The following HIVEP1 variants were observed in gnomAD, a reference collection of about 807,000 sequenced individuals.
HIVEP1 encodes zinc finger protein 40.
A neutral mutation model predicts 180.0 loss-of-function variants in HIVEP1; 36 were observed. The ratio of observed to expected loss-of-function variants is 0.20; its 90% CI spans 0.15 to 0.26. HIVEP1 has a LOEUF of 0.26. Among genes scored for constraint, HIVEP1 ranks in the 10% least tolerant of loss-of-function variants. The pLI is 1.00. For synonymous variants in HIVEP1, 1,239 were observed against 1,239.0 expected (o/e 1.00, Z 0.00); for missense variants, 3,143 against 3,268.7 (o/e 0.96, Z 0.94).
chr6:12,016,530 G>T (rs987765255), intron 2 of HIVEP1, among the ~76,000 whole-genome samples: 2 of 152,082 alleles, frequency 1.3e-5, no homozygotes, highest in Admixed American at 6.5e-5. Flanking sequence ...AATTTGAAAT[G>T]TTTTTTGGTA....
chr6:12,123,760 T>G lies in HIVEP1; in HGVS notation c.3965T>G (p.Leu1322Ter). 6.2e-7 allele frequency: 1 copy of G among 1,614,190 alleles called. No homozygotes were observed. The highest frequency in any genetic ancestry group is 8.5e-7 in the Non-Finnish European group (1 of 1,180,012). Residue 1322 changes from leucine to a stop codon, truncating the protein, a stop_gained, in exon 4 of 9, where the codon TTA becomes TGA. Coordinates refer to ENST00000379388, the MANE Select transcript of HIVEP1 (RefSeq NM_002114.4). LOFTEE classifies it high-confidence loss of function. ...CACACTTCAAGTTTCTCAGCCTCTT[T>G]AGACATAGAGGACGTTTCTAAAACG... is the stretch of plus-strand genomic sequence containing the variant. ...LSHTSSFSAS[L>*]DIEDVSKTEA...
At chr6:12,204,360 T>TCCCTTCCCCTGTCTTCCTCTTTTACCTC in the HIVEP1 span, among the ~76,000 whole-genome samples, 2 of 150,528 alleles carry the variant, frequency 1.3e-5, no homozygotes, top group Non-Finnish European at 3.0e-5. Context: ...TCAAGCTTCC[T>TCCCTTCCCCTGTCTTCCTCTTTTACCTC]CCCTTCCCCG....
chr6:12,184,897 A>C, the HIVEP1 span, among the ~76,000 whole-genome samples: 7 of 152,358 alleles, frequency 4.6e-5, 1 homozygote, highest in South Asian at 1.0e-3. Context: ...AAGCAGTGGA[A>C]GTCTCTAAAA....
chr6:12,064,865 C>T (rs1324676814), intron 2 of HIVEP1, among the ~76,000 whole-genome samples: 1 of 152,196 alleles, frequency 6.6e-6, no homozygotes, highest in Non-Finnish European at 1.5e-5. Context: ...TCCCAGTGGG[C>T]CTTCATGAAG....
At chr6:12,211,268 C>T in the HIVEP1 span, among the ~76,000 whole-genome samples, 2 of 95,392 alleles carry the variant, frequency 2.1e-5, 1 homozygote, top group Non-Finnish European at 4.1e-5. Context: ...GGCGTGGTGG[C>T]AGGTGCCTGT....
At chr6:12,159,458 G>C (rs1707525766) in intron 7 of HIVEP1, among the ~76,000 whole-genome samples, 1 of 151,756 alleles carries the variant, frequency 6.6e-6, no homozygotes, top group African/African-American at 2.4e-5. Flanking sequence ...AGGATGACTC[G>C]AATTTTACAA....
At chr6:12,112,937 G>A (rs558917917) in intron 3 of HIVEP1, among the ~76,000 whole-genome samples, 4 of 152,094 alleles carry the variant, frequency 2.6e-5, no homozygotes, top group African/African-American at 9.7e-5. Flanking sequence ...GGGTGTTTCT[G>A]TCTGTCCCTG....
Position 12,123,161 on chromosome 6 carries a change from C to T in HIVEP1, c.3366C>T (p.Asp1122=). 1 of 1,614,196 alleles carries T rather than the reference C, an allele frequency of 6.2e-7. No individual in the cohort carries two copies. Among genetic ancestry groups the T allele is most frequent in the Non-Finnish European group, 8.5e-7 (1 of 1,180,026 alleles). Residue 1122 remains aspartate, a synonymous_variant, in exon 4 of 9, where the codon GAC becomes GAT. Coordinates refer to ENST00000379388, the MANE Select transcript of HIVEP1 (RefSeq NM_002114.4). ...AACAGATAAGTTCAGCAGCCCAGGA[C>T]AAGATAGAACTGCAGAGACACGGAA... The part of the protein sequence containing the change: ...MEQQISSAAQ[D]KIELQRHGTG...
At chr6:12,056,141 A>C (rs1770853598) in intron 2 of HIVEP1, among the ~76,000 whole-genome samples, 2 of 152,140 alleles carry the variant, frequency 1.3e-5, no homozygotes, top group South Asian at 4.1e-4. Flanking sequence ...TTAATGAAGA[A>C]GCGGAAGTGA....
chr6:12,120,004 C>T lies in HIVEP1; in HGVS notation c.209C>T (p.Pro70Leu), dbSNP rs1351123977. Residue 70 changes from proline to leucine, a missense_variant, in exon 4 of 9, where the codon CCT becomes CTT. Physicochemically the swap from Pro to Leu is moderately conservative, Grantham distance 98. Coordinates refer to ENST00000379388, the MANE Select transcript of HIVEP1 (RefSeq NM_002114.4). ...ATACCAAAATCCCCACTGAGAAATC[C>T]TCTTCAGGCAAAACATAAACAAAAT... ...KKIPKSPLRN[P>L]LQAKHKQNTE... is the part of the protein sequence containing the mutation. 6.2e-7 allele frequency: 1 copy of T among 1,613,006 alleles called. No homozygotes were observed. The highest frequency in any genetic ancestry group is 1.1e-5 in the South Asian group (1 of 90,736).
intron 2 of HIVEP1, among the ~76,000 whole-genome samples, chr6:12,065,997 G>C (rs1201295546): frequency 6.6e-6 from 1 of 152,112 alleles, no homozygotes; most frequent in Non-Finnish European, 1.5e-5. Context: ...GAGAATGAGG[G>C]CTTCCCAGGC....
At chr6:12,185,280 G>A in the HIVEP1 span, among the ~76,000 whole-genome samples, 1 of 152,198 alleles carries the variant, frequency 6.6e-6, no homozygotes, top group African/African-American at 2.4e-5. Context: ...CTGGGTGGAG[G>A]GAACAGTAGA....
intron 2 of HIVEP1, among the ~76,000 whole-genome samples, chr6:12,043,571 T>G (rs1169996317): frequency 5.3e-5 from 8 of 152,108 alleles, no homozygotes; most frequent in African/African-American, 1.9e-4. Flanking sequence ...TTTACCATGT[T>G]GGTCAGGCTG....
intron 7 of HIVEP1, among the ~76,000 whole-genome samples, chr6:12,146,615 T>G (rs1045038351): frequency 6.6e-6 from 1 of 152,162 alleles, no homozygotes; most frequent in African/African-American, 2.4e-5. Context: ...GTTTATTAAT[T>G]TGTTATTTAT....
the HIVEP1 span, among the ~76,000 whole-genome samples, chr6:12,189,709 A>G: frequency 1.3e-3 from 192 of 152,304 alleles, no homozygotes; most frequent in Non-Finnish European, 2.2e-3. Flanking sequence ...TTGGAGAACA[A>G]TTTGGCACTT....
At chr6:12,092,563 A>C (rs935501903) in intron 3 of HIVEP1, among the ~76,000 whole-genome samples, 3 of 152,142 alleles carry the variant, frequency 2.0e-5, no homozygotes, top group Non-Finnish European at 4.4e-5. Context: ...GGGAATGTGA[A>C]TGTTCAGCTC....
intron 2 of HIVEP1, among the ~76,000 whole-genome samples, chr6:12,059,730 C>T (rs946608881): frequency 6.6e-6 from 1 of 152,138 alleles, no homozygotes; most frequent in Non-Finnish European, 1.5e-5. Context: ...GGGCAGCCTC[C>T]TGGAATACTC....
At chr6:12,188,867 A>G in the HIVEP1 span, among the ~76,000 whole-genome samples, 4 of 152,052 alleles carry the variant, frequency 2.6e-5, no homozygotes, top group Admixed American at 1.3e-4. Flanking sequence ...TCAGTGGAAA[A>G]ATAAATAAGC....
chr6:12,145,638 T>G (rs1759328559), intron 7 of HIVEP1, among the ~76,000 whole-genome samples: 1 of 151,730 alleles, frequency 6.6e-6, no homozygotes, highest in South Asian at 2.1e-4. Flanking sequence ...ATATATGTAA[T>G]ATAAATATAT....
Sources: gnomAD v4.1 joint callset for allele counts (sites outside exome capture counted in the v4.1 genomes callset) on GRCh38, gnomAD v4.1.1 for gene constraint, MANE v1.5 for transcripts, NCBI Gene and HGNC (gene_info 2026-07-23, HGNC 2026-07-21) for gene names.